SELENOP: variants seen among roughly 807,000 people sequenced by gnomAD.
SELENOP encodes the protein selenoprotein P, also known as selenoprotein P, plasma, 1.
SELENOP carries 36 observed loss-of-function variants against 41.0 expected under a neutral mutation model. The observed-to-expected ratio is 0.88, with a 90% CI of 0.67 to 1.16. The LOEUF (loss-of-function observed/expected upper bound fraction) is 1.16. SELENOP is among the 50% of genes most tolerant of loss of function. The pLI, the probability that SELENOP is intolerant of heterozygous loss-of-function variation, is 0.00. For synonymous variants in SELENOP, 144 were observed against 150.8 expected (o/e 0.95, Z 0.33); for missense variants, 440 against 454.2 (o/e 0.97, Z 0.28).
Position 42,801,326 on chromosome 5 carries a change from G to T in SELENOP, c.540C>A (p.Leu180=). The T allele has an allele frequency of 6.2e-7, 1 of 1,602,030 alleles. No individual in the cohort carries two copies. The change falls in exon 5 of 5, where the codon CTC becomes CTA. Residue 180 remains leucine (L), a synonymous_variant. Coordinates refer to ENST00000514985, the MANE Select transcript of SELENOP (RefSeq NM_005410.4). ...CACGTTTACAAAAGTCTTCATCTTT[G>T]AGAGTCTGGAACAAATTTATAAATC... ...KKCGNCSLTT[L]KDEDFCKRVS...
chr5:42,802,072 T>G (rs1010377477), intron 4 of SELENOP: 1 of 152,194 alleles, frequency 6.6e-6, no homozygotes, highest in Non-Finnish European at 1.5e-5. Flanking sequence ...AATGTGTTAG[T>G]TTTTCATACT....
At chr5:42,801,450 T>G in intron 4 of SELENOP, 119 bp from the exon 5 acceptor site, 1 of 734,752 alleles carries the variant, frequency 1.4e-6, no homozygotes. Context: ...TCGAGCTGGC[T>G]TTGTATTATA....
chr5:42,808,933 CAAA>C, intron 1 of SELENOP, among the ~76,000 whole-genome samples: 1 of 144,022 alleles, frequency 6.9e-6, no homozygotes, highest in Non-Finnish European at 1.5e-5. Context: ...AAAAAAAAAA[CAAA>C]AGAAGAAGAA....
rs188374443 is a variant in SELENOP, at chr5:42,800,436, C to T, written c.*284G>A. ...ACAGAAACCCCTAGGTCATAGTTTA[C>T]GTTTCTATTCTCATTAAAGCAAATA... On this transcript the variant is annotated 3_prime_UTR_variant, in exon 5 of 5. Coordinates refer to ENST00000514985, the MANE Select transcript of SELENOP (RefSeq NM_005410.4). The T allele has an allele frequency of 2.2e-5, 6 of 273,820 alleles. 1 individual carries two copies. The highest frequency in any genetic ancestry group is 8.9e-5 in the South Asian group (1 of 11,198). The allele number at this position is 273,820 out of a possible 1,614,324, so 17.0% of individuals were successfully genotyped here.
At position 42,800,016 on chromosome 5, in the gene SELENOP, T is replaced by C. The variant is rs1455475340; in HGVS notation, c.*704A>G. ...TTTGGTTTACCTATTAAACCATCAT[T>C]GACTATGGAAATACTTACTAAGCAA... On this transcript the variant is annotated 3_prime_UTR_variant, in exon 5 of 5. Coordinates refer to ENST00000514985, the MANE Select transcript of SELENOP (RefSeq NM_005410.4). 11 of 451,354 alleles carry C rather than the reference T, an allele frequency of 2.4e-5. No individual in the cohort carries two copies. Among genetic ancestry groups the C allele is most frequent in the Non-Finnish European group, 4.3e-5 (11 of 257,362 alleles). 28.0% of individuals were successfully genotyped at this position (451,354 alleles called of 1,614,324 possible).
chr5:42,809,458 G>GA (rs1455029814), intron 1 of SELENOP, among the ~76,000 whole-genome samples: 2 of 152,198 alleles, frequency 1.3e-5, no homozygotes, highest in African/African-American at 4.8e-5. Context: ...GAGGAGCAAA[G>GA]AAAAATCCTC....
In SELENOP at chr5:42,801,307, T is replaced by C. The variant is rs17851351; in HGVS notation, c.559A>G (p.Lys187Glu). 1 of 1,609,768 alleles carries C rather than the reference T, an allele frequency of 6.2e-7. No individual in the cohort carries two copies. Among genetic ancestry groups the C allele is most frequent in the Non-Finnish European group, 8.5e-7 (1 of 1,177,996 alleles). ...LTTLKDEDFC[K>E]RVSLATVDKT... ...TCCACAGTAGCCAAAGATACACGTTTACAAAAGTCTTCATCTTTGAGAGTC... is the reference window on the plus strand; with the variant it reads ...TCCACAGTAGCCAAAGATACACGTTCACAAAAGTCTTCATCTTTGAGAGTC... Residue 187 changes from lysine (K) to glutamate (E), a missense_variant, in exon 5 of 5, where the codon AAA (lysine) becomes GAA (glutamate). Lys to Glu is a moderately conservative substitution (Grantham distance 56). Transcript: ENST00000514985.
rs750486327 is a variant in SELENOP at position 42,801,084 on chromosome 5, C to T, written c.782G>A (p.Arg261Gln). ...GQHRQGHPEN[R>Q]DMPASEDLQD... The stretch of plus-strand genomic sequence containing the variant: ...TAAATCTTCACTTGCTGGCATATCT[C>T]GGTTCTCTGGGTGACCCTGCCTATG... Residue 261 changes from arginine to glutamine, a missense_variant, in exon 5 of 5, where the codon CGA becomes CAA. Coordinates refer to ENST00000514985, the MANE Select transcript of SELENOP (RefSeq NM_005410.4). The T allele has an allele frequency of 1.1e-5, 18 of 1,613,990 alleles. No homozygotes were observed. The highest frequency in any genetic ancestry group is 2.2e-5 in the East Asian group (1 of 44,900).
chr5:42,802,319 C>G (rs1185764655), intron 4 of SELENOP: 1 of 152,154 alleles, frequency 6.6e-6, no homozygotes, highest in Non-Finnish European at 1.5e-5. Flanking sequence ...CAACCTAAGG[C>G]TAATTTGCAA....
chr5:42,808,875 G>A (rs752089807), intron 1 of SELENOP, among the ~76,000 whole-genome samples: 46 of 150,988 alleles, frequency 3.0e-4, no homozygotes, highest in African/African-American at 7.8e-4. Context: ...AGCTGAGATC[G>A]CGCCCCTGCA....
intron 1 of SELENOP, among the ~76,000 whole-genome samples, chr5:42,808,991 G>A (rs1207292117): frequency 6.6e-6 from 1 of 151,620 alleles, no homozygotes; most frequent in Non-Finnish European, 1.5e-5. Context: ...AAAAGAGCCA[G>A]CAAAAAAAGA....
In SELENOP at chr5:42,807,066, AGAATATCCTTC is replaced by A; in HGVS notation, c.235_245del (p.Glu79Ter). The A allele has an allele frequency of 6.5e-7, 1 of 1,547,784 alleles. No individual in the cohort carries two copies. The highest frequency in any genetic ancestry group is 1.1e-5 in the South Asian group (1 of 87,760). On this transcript the variant is annotated frameshift_variant, in exon 3 of 5. Coordinates refer to ENST00000514985, the MANE Select transcript of SELENOP (RefSeq NM_005410.4). LOFTEE classifies it high-confidence loss of function. ...GATTAACAACAATATAAGAAATATT[AGAATATCCTTC>A]TTTCTTCAGTTTTACTCGCAGGTCT... is the stretch of plus-strand genomic sequence containing the variant.
intron 2 of SELENOP, chr5:42,807,885 A>G (rs944399162): frequency 9.0e-6 from 2 of 221,930 alleles, no homozygotes; most frequent in South Asian, 3.6e-4. Flanking sequence ...TTTTCATTAC[A>G]CAAGTAATAC....
At chr5:42,802,142 A>T (rs1760220626) in intron 4 of SELENOP, 1 of 152,166 alleles carries the variant, frequency 6.6e-6, no homozygotes, top group African/African-American at 2.4e-5. Context: ...TCTCCCTACC[A>T]TAAGGCTGTC....
chr5:42,810,494 C>CTG (rs1488272092), intron 1 of SELENOP, among the ~76,000 whole-genome samples: 1 of 152,134 alleles, frequency 6.6e-6, no homozygotes, highest in Non-Finnish European at 1.5e-5. Context: ...GAGTCTTGCT[C>CTG]TGTTACCCAG....
At chr5:42,805,111 T>C (rs1760303619) in intron 3 of SELENOP, 2 of 162,554 alleles carry the variant, frequency 1.2e-5, no homozygotes, top group Non-Finnish European at 2.7e-5. Flanking sequence ...AACTTATAAA[T>C]TAGGCTCTGA....
chr5:42,801,200 CT>C lies in SELENOP; in HGVS notation c.665del (p.Glu222GlyfsTer?), dbSNP rs1451391890. The part of the protein sequence containing the change: ...NHGHQHLGSS[E>X]LSENQQPGAP... ...CTCCTGGTTGCTGATTCTCTGAAAGCTCACTGCTGCCAAGGTGCTGATGTCC... is the reference window on the plus strand; with the variant it reads ...CTCCTGGTTGCTGATTCTCTGAAAGCCACTGCTGCCAAGGTGCTGATGTCC... On this transcript the variant is annotated frameshift_variant, in exon 5 of 5. Coordinates refer to ENST00000514985, the MANE Select transcript of SELENOP (RefSeq NM_005410.4). LOFTEE classifies it high-confidence loss of function. 1.2e-6 allele frequency: 2 copies of C among 1,614,022 alleles called. No individual in the cohort carries two copies. Among genetic ancestry groups the C allele is most frequent in the Non-Finnish European group, 1.7e-6 (2 of 1,180,040 alleles).
intron 1 of SELENOP, among the ~76,000 whole-genome samples, chr5:42,809,280 A>C (rs1298173798): frequency 6.6e-6 from 1 of 152,242 alleles, no homozygotes; most frequent in African/African-American, 2.4e-5. Context: ...ATGACTAGAC[A>C]GCACTTTCTT....
intron 3 of SELENOP, chr5:42,806,004 C>T (rs1213937312): frequency 1.3e-5 from 2 of 152,130 alleles, no homozygotes. Context: ...GTGGAAAAAT[C>T]TAGAGGAGTG....
Sources: gnomAD v4.1 joint callset for allele counts (sites outside exome capture counted in the v4.1 genomes callset) on GRCh38, gnomAD v4.1.1 for gene constraint, MANE v1.5 for transcripts, NCBI Gene and HGNC (gene_info 2026-07-23, HGNC 2026-07-21) for gene names.